CREB1: variants seen among roughly 807,000 people sequenced by gnomAD.
The protein encoded by CREB1 is cyclic AMP-responsive element-binding protein 1.
Under a neutral mutation model 42.0 loss-of-function variants are expected in CREB1, and 2 were observed. The observed-to-expected ratio is 0.05, with a 90% CI of 0.02 to 0.15. CREB1 has a LOEUF of 0.15. Ranked by LOEUF, CREB1 falls within the 10% of genes least tolerant of loss-of-function variation. The probability of loss-of-function intolerance (pLI) is 1.00; values close to 1 mark genes in which losing one functional copy is unlikely to be tolerated. For missense variants in CREB1, 199 were observed against 388.9 expected, an observed-to-expected ratio of 0.51 and a Z score of 4.11; for synonymous variants, 123 against 139.9, an observed-to-expected ratio of 0.88 and a Z score of 0.85.
Position 207,599,370 on chromosome 2 carries a change from T to C in CREB1, c.*2312T>C, listed in dbSNP as rs1371983657. ...CGAACATTTTGAATGAAGTAAGTGT[T>C]ATAAATGAAAAATTGCCTGATGTTT... is the stretch of plus-strand genomic sequence containing the variant. On this transcript the variant is annotated 3_prime_UTR_variant, in exon 8 of 8. Transcript: ENST00000353267. 2 of 207,678 alleles carry C rather than the reference T, an allele frequency of 9.6e-6. No homozygotes were observed. Among genetic ancestry groups the C allele is most frequent in the African/African-American group, 4.5e-5 (2 of 43,982 alleles). 12.9% of individuals were successfully genotyped at this position (207,678 alleles called of 1,614,324 possible).
At chr2:207,577,402 T>C in intron 6 of CREB1, 103 bp from the exon 7 acceptor site, 3 of 1,429,044 alleles carry the variant, frequency 2.1e-6, no homozygotes, top group Non-Finnish European at 2.8e-6. Flanking sequence ...TCTTTTTTGT[T>C]TCCCTTTTAG....
intron 6 of CREB1, 57 bp downstream of exon 6, chr2:207,575,511 T>A: frequency 7.0e-7 from 1 of 1,437,556 alleles, no homozygotes; most frequent in Non-Finnish European, 9.5e-7. Context: ...TAAAATTTTA[T>A]AAACTCACAG....
chr2:207,531,118 T>A (rs2080603900), intron 1 of CREB1, among the ~76,000 whole-genome samples: 1 of 152,218 alleles, frequency 6.6e-6, no homozygotes, highest in Non-Finnish European at 1.5e-5. Context: ...TTTAACCCTT[T>A]TTAATAAGGT....
At chr2:207,541,155 C>T (rs1296786958) in intron 1 of CREB1, among the ~76,000 whole-genome samples, 1 of 151,528 alleles carries the variant, frequency 6.6e-6, no homozygotes, top group Non-Finnish European at 1.5e-5. Context: ...ACAGGTGGAG[C>T]ATGCAGTGAG....
intron 1 of CREB1, among the ~76,000 whole-genome samples, chr2:207,533,680 A>C (rs190712064): frequency 6.6e-6 from 1 of 152,296 alleles, no homozygotes; most frequent in African/African-American, 2.4e-5. Context: ...GAATGTAATG[A>C]GATGTCAAGA....
Position 207,599,755 on chromosome 2 carries a change from T to C in CREB1, c.*2697T>C, listed in dbSNP as rs1406685423. 1 of 195,864 alleles carries C rather than the reference T, an allele frequency of 5.1e-6. No homozygotes were observed. The highest frequency in any genetic ancestry group is 2.3e-5 in the African/African-American group (1 of 43,184). The allele number at this position is 195,864 out of a possible 1,614,324, so 12.1% of individuals were successfully genotyped here. On this transcript the variant is annotated 3_prime_UTR_variant, in exon 8 of 8. Coordinates refer to ENST00000353267, the MANE Select transcript of CREB1 (RefSeq NM_004379.5). ...TGTAAGCATGAAACTTTGAGAATCT[T>C]TATTAAGAAAATGACATAATTTTTA...
At chr2:207,566,554 A>AT (rs1331487534) in intron 3 of CREB1, among the ~76,000 whole-genome samples, 1 of 152,208 alleles carries the variant, frequency 6.6e-6, no homozygotes, top group Non-Finnish European at 1.5e-5. Flanking sequence ...GTTTGAGACT[A>AT]TAACAGTCTG....
At chr2:207,543,203 A>G (rs1463121834) in intron 1 of CREB1, among the ~76,000 whole-genome samples, 1 of 152,188 alleles carries the variant, frequency 6.6e-6, no homozygotes, top group Non-Finnish European at 1.5e-5. Context: ...TTCAAGCTTT[A>G]CTTCTGGGAC....
intron 7 of CREB1, among the ~76,000 whole-genome samples, chr2:207,585,856 A>G (rs2083727995): frequency 1.3e-5 from 2 of 152,188 alleles, no homozygotes; most frequent in Non-Finnish European, 2.9e-5. Context: ...AAAAGGATGA[A>G]GAAAGCCTAC....
chr2:207,559,648 T>G (rs2081878392), intron 2 of CREB1, among the ~76,000 whole-genome samples: 1 of 152,222 alleles, frequency 6.6e-6, no homozygotes, highest in Non-Finnish European at 1.5e-5. Flanking sequence ...GGGTATTGAC[T>G]CATTAAAACT....
intron 7 of CREB1, among the ~76,000 whole-genome samples, chr2:207,595,761 G>T (rs553534320): frequency 6.6e-6 from 1 of 152,002 alleles, no homozygotes. Flanking sequence ...TAGAGACAGG[G>T]TCTTAATATA....
At chr2:207,531,795 G>A (rs1334612360) in intron 1 of CREB1, among the ~76,000 whole-genome samples, 3 of 152,230 alleles carry the variant, frequency 2.0e-5, no homozygotes, top group African/African-American at 7.2e-5. Context: ...TTGATTGGCA[G>A]CAGAAGCACT....
At chr2:207,545,274 C>A (rs1010909681) in intron 1 of CREB1, among the ~76,000 whole-genome samples, 10 of 152,276 alleles carry the variant, frequency 6.6e-5, no homozygotes, top group African/African-American at 1.7e-4. Flanking sequence ...GTGGCATGAT[C>A]TCGGCTCACT....
chr2:207,571,140 A>G (rs1559044703), intron 5 of CREB1, among the ~76,000 whole-genome samples: 1 of 150,678 alleles, frequency 6.6e-6, no homozygotes, highest in Non-Finnish European at 1.5e-5. Context: ...CTTAGTTTCA[A>G]ATTAAATGTA....
At chr2:207,584,172 G>A (rs1574928428) in intron 7 of CREB1, among the ~76,000 whole-genome samples, 1 of 152,160 alleles carries the variant, frequency 6.6e-6, no homozygotes, top group African/African-American at 2.4e-5. Flanking sequence ...AAATATCTAG[G>A]AGTAGGCTGG....
At position 207,604,018 on chromosome 2, in the gene CREB1, GCAA is replaced by G. The variant is rs757802268; in HGVS notation, c.*6965_*6967del. 6.6e-6 allele frequency among the ~76,000 whole-genome samples: 1 copy of G among 152,110 alleles called. No individual in the cohort carries two copies. The highest frequency in any genetic ancestry group is 2.4e-5 in the African/African-American group (1 of 41,406). ...GCTTAATGAATTTCATTTATTTTCT[GCAA>G]CAACGATTACAGAATTTATTGCACA... On this transcript the variant is annotated 3_prime_UTR_variant, in exon 8 of 8. Transcript: ENST00000353267.
intron 4 of CREB1, among the ~76,000 whole-genome samples, chr2:207,569,958 C>G (rs973617483): frequency 1.4e-5 from 2 of 147,894 alleles, no homozygotes; most frequent in African/African-American, 5.0e-5. Context: ...TGCAGAATTG[C>G]TTGAACCCGG....
chr2:207,573,192 G>GT (rs1361178955), intron 5 of CREB1, among the ~76,000 whole-genome samples: 6 of 152,226 alleles, frequency 3.9e-5, no homozygotes, highest in African/African-American at 1.2e-4. Flanking sequence ...GGATACATCC[G>GT]TTACTTGACT....
At chr2:207,561,418 A>C (rs921555835) in intron 3 of CREB1, among the ~76,000 whole-genome samples, 9 of 152,182 alleles carry the variant, frequency 5.9e-5, no homozygotes, top group Non-Finnish European at 1.0e-4. Context: ...AAGGAAGCTC[A>C]ATCTCCTGAG....
Sources: allele counts gnomAD v4.1 joint callset (sites outside exome capture counted in the v4.1 genomes callset), GRCh38; gene constraint gnomAD v4.1.1; transcripts MANE v1.5; gene names NCBI Gene and HGNC (gene_info 2026-07-23, HGNC 2026-07-21).